PCDH15: variants seen among roughly 807,000 people sequenced by gnomAD.
The protein encoded by PCDH15 is protocadherin-15.
In PCDH15, 129 loss-of-function variants were observed where a neutral mutation model predicts 178.5. The observed-to-expected ratio is 0.72, with a 90% CI of 0.63 to 0.84. The LOEUF (loss-of-function observed/expected upper bound fraction) is 0.84. Among genes scored for constraint, PCDH15 ranks in the 40% least tolerant of loss-of-function variants. The pLI, the probability that PCDH15 is intolerant of heterozygous loss-of-function variation, is 0.00. For missense variants in PCDH15, 2,230 were observed against 2,099.9 expected (o/e 1.06, Z -1.21); for synonymous variants, 800 against 732.0 (o/e 1.09, Z -1.50).
At chr10:55,230,275 C>A (rs1434135938) in intron 1 of PCDH15, among the ~76,000 whole-genome samples, 2 of 151,818 alleles carry the variant, frequency 1.3e-5, no homozygotes, top group African/African-American at 2.4e-5. Context: ...TTGATTATTG[C>A]ATAATTTATA....
In PCDH15 at chr10:54,031,109, C is replaced by T. The variant is rs370663542; in HGVS notation, c.2221-7912G>A. ...TTGAAGGCAAATCACATGACAAGGC[C>T]GATGTCAAGGGGTGCAGAAATTCCA... On this transcript the variant is annotated intron_variant, in intron 18 of 37. Transcript: ENST00000644397. 4.6e-5 allele frequency among the ~76,000 whole-genome samples: 7 copies of T among 152,052 alleles called. No individual in the cohort carries two copies. The South Asian group carries it at 1.2e-3, about 27-fold the overall frequency.
rs1202252632 is a variant in PCDH15 at position 54,752,491 on chromosome 10, ACAAAAAAC to A, written c.-29+48426_-29+48433del. On this transcript the variant is annotated intron_variant, in intron 1 of 37. Transcript: ENST00000644397. ...GACTCCGTCTCAAAAAAAAAAAAAAACAAAAAACAAAAAACAAAAAACAAACAAACAAA... is the reference window on the plus strand; with the variant it reads ...GACTCCGTCTCAAAAAAAAAAAAAAAAAAAAACAAAAAACAAACAAACAAA... Among the ~76,000 whole-genome samples, 70 of 92,932 alleles carry A rather than the reference ACAAAAAAC, an allele frequency of 7.5e-4. 7 individuals are homozygous for A. Among genetic ancestry groups the A allele is most frequent in the Non-Finnish European group, 1.2e-3 (51 of 41,082 alleles). The allele number at this position is 92,932 out of a possible 152,430, so 61.0% of individuals were successfully genotyped here.
At chr10:54,915,640 A>G (rs1954889928) in intron 2 of PCDH15, among the ~76,000 whole-genome samples, 1 of 152,184 alleles carries the variant, frequency 6.6e-6, no homozygotes, top group Non-Finnish European at 1.5e-5. Context: ...TATACAGAAC[A>G]TGTGTAATTT....
chr10:54,285,430 T>C (rs999909890), intron 8 of PCDH15, among the ~76,000 whole-genome samples: 2 of 152,112 alleles, frequency 1.3e-5, no homozygotes, highest in African/African-American at 4.8e-5. Flanking sequence ...TGAATAGATA[T>C]TTCTCAAAAG....
At position 53,840,267 on chromosome 10, in the gene PCDH15, C is replaced by T. The variant is rs139040651; in HGVS notation, c.3983+53G>A. On this transcript the variant is annotated intron_variant, in intron 29 of 37. Transcript: ENST00000644397. Reference sequence around the variant, plus strand: ...ACTTATAGCCTCAAGTCAGAATCATCTATGGTTGCTATTGTAACCAAAGAG... The same window carrying T: ...ACTTATAGCCTCAAGTCAGAATCATTTATGGTTGCTATTGTAACCAAAGAG... 4.9e-5 allele frequency: 76 copies of T among 1,561,934 alleles called. No homozygotes were observed. In the East Asian group the frequency reaches 1.6e-3, roughly 33 times the overall value.
chr10:55,471,547 T>C (rs1440088906), intron 2 of PCDH15, among the ~76,000 whole-genome samples: 1 of 152,194 alleles, frequency 6.6e-6, no homozygotes, highest in Non-Finnish European at 1.5e-5. Context: ...ATCTGGAATA[T>C]CATTGCCCTC....
chr10:54,714,232 G>C (rs2095454086), intron 1 of PCDH15, among the ~76,000 whole-genome samples: 1 of 152,156 alleles, frequency 6.6e-6, no homozygotes, highest in Non-Finnish European at 1.5e-5. Context: ...CCTGTGAAGT[G>C]AACTGTCTAT....
chr10:55,305,602 A>T (rs970777195), intron 1 of PCDH15, among the ~76,000 whole-genome samples: 1 of 152,218 alleles, frequency 6.6e-6, no homozygotes, highest in Non-Finnish European at 1.5e-5. Flanking sequence ...GACTTAACAT[A>T]ATGTCTGGGA....
chr10:54,024,286 A>G (rs192617142), intron 18 of PCDH15, among the ~76,000 whole-genome samples: 23 of 152,302 alleles, frequency 1.5e-4, no homozygotes, highest in Middle Eastern at 3.4e-3. Flanking sequence ...AATAAATCTT[A>G]GAAACTGTAA....
At chr10:54,734,589 A>C (rs1203787915) in intron 1 of PCDH15, among the ~76,000 whole-genome samples, 1 of 152,004 alleles carries the variant, frequency 6.6e-6, no homozygotes, top group Admixed American at 6.6e-5. Context: ...ATGATCACTC[A>C]GAAATCTATG....
chr10:55,581,493 T>TA (rs1045971834), intron 2 of PCDH15, among the ~76,000 whole-genome samples: 1 of 151,648 alleles, frequency 6.6e-6, no homozygotes, highest in Admixed American at 6.6e-5. Flanking sequence ...TGCTCTGTTT[T>TA]TTTTAAATGT....
intron 2 of PCDH15, among the ~76,000 whole-genome samples, chr10:55,102,071 C>A (rs188009799): frequency 7.3e-5 from 11 of 151,722 alleles, no homozygotes; most frequent in Non-Finnish European, 1.3e-4. Context: ...GACTATGATG[C>A]TCATCTTTAT....
chr10:55,463,890 GGAGA>G lies in PCDH15; in HGVS notation c.-156+163731_-156+163734del, dbSNP rs1298322527. ...GAAAGAAAGAGAGAGAGAAAGAGAG[GGAGA>G]GAGAGAGAAAGAAAGAAAGAAAGAA... is the stretch of plus-strand genomic sequence containing the variant. On this transcript the variant is annotated intron_variant, in intron 2 of 5. Transcript: ENST00000613346. 1.6e-4 allele frequency among the ~76,000 whole-genome samples: 2 copies of G among 12,224 alleles called. 1 individual carries two copies. Among genetic ancestry groups the G allele is most frequent in the African/African-American group, 1.1e-3 (2 of 1,774 alleles). 8.0% of individuals were successfully genotyped at this position (12,224 alleles called of 152,430 possible).
At chr10:53,885,509 G>A (rs1339289137) in intron 26 of PCDH15, among the ~76,000 whole-genome samples, 1 of 152,028 alleles carries the variant, frequency 6.6e-6, no homozygotes, top group Non-Finnish European at 1.5e-5. Context: ...TTGTTTCTCA[G>A]GACTTCATGC....
At chr10:53,849,962 A>C (rs1309642535) in intron 28 of PCDH15, among the ~76,000 whole-genome samples, 2 of 151,934 alleles carry the variant, frequency 1.3e-5, no homozygotes, top group Non-Finnish European at 2.9e-5. Context: ...ATATACGTGA[A>C]ATATATTATC....
At chr10:54,174,459 C>T (rs2047219119) in intron 13 of PCDH15, among the ~76,000 whole-genome samples, 1 of 151,742 alleles carries the variant, frequency 6.6e-6, no homozygotes, top group Non-Finnish European at 1.5e-5. Context: ...GGCGTGAACT[C>T]GGGAGGCGGA....
At chr10:54,996,858 C>A (rs1037300327) in intron 2 of PCDH15, among the ~76,000 whole-genome samples, 7 of 152,000 alleles carry the variant, frequency 4.6e-5, no homozygotes, top group African/African-American at 1.7e-4. Context: ...CACCTGTAAT[C>A]CCAGCACTTT....
intron 17 of PCDH15, among the ~76,000 whole-genome samples, chr10:54,072,763 T>G (rs1354414099): frequency 6.6e-6 from 1 of 152,164 alleles, no homozygotes; most frequent in Admixed American, 6.5e-5. Flanking sequence ...AGGTCCCATC[T>G]AATAGGTTAT....
chr10:54,585,716 T>TA (rs1288755819), intron 2 of PCDH15, among the ~76,000 whole-genome samples: 3 of 152,072 alleles, frequency 2.0e-5, no homozygotes, highest in Non-Finnish European at 1.5e-5. Context: ...GCTTAACAGA[T>TA]AAAACCACAG....
Sources: allele counts gnomAD v4.1 joint callset (sites outside exome capture counted in the v4.1 genomes callset), GRCh38; gene constraint gnomAD v4.1.1; transcripts MANE v1.5; gene names NCBI Gene and HGNC (gene_info 2026-07-23, HGNC 2026-07-21).